The following LCORL variants were observed in gnomAD, a reference collection of about 807,000 sequenced individuals.
LCORL encodes ligand dependent nuclear receptor corepressor like, also known as ligand-dependent nuclear receptor corepressor-like protein.
In LCORL, 41 loss-of-function variants were observed where a neutral mutation model predicts 141.8. That is an observed-to-expected ratio of 0.29 (90% CI 0.23 to 0.38). The LOEUF (loss-of-function observed/expected upper bound fraction) is 0.38, where lower values mean the gene tolerates loss of function less well. LCORL is among the 10% of genes least tolerant of loss of function. The probability of loss-of-function intolerance (pLI) is 1.00; values close to 1 mark genes in which losing one functional copy is unlikely to be tolerated. For synonymous variants in LCORL, 618 were observed against 694.1 expected (o/e 0.89, Z 1.72); for missense variants, 1,759 against 2,035.0 (o/e 0.86, Z 2.61).
chr4:17,908,031 T>C (rs372442864), intron 5 of LCORL, among the ~76,000 whole-genome samples: 19 of 152,254 alleles, frequency 1.2e-4, no homozygotes, highest in Middle Eastern at 3.4e-3. Context: ...CTAACTAGTA[T>C]ATTCTTCTTT....
At chr4:17,937,053 A>G (rs1736983026) in intron 4 of LCORL, among the ~76,000 whole-genome samples, 1 of 152,200 alleles carries the variant, frequency 6.6e-6, no homozygotes, top group South Asian at 2.1e-4. Context: ...AATTTATAAA[A>G]TCACATATAT....
intron 7 of LCORL, among the ~76,000 whole-genome samples, chr4:17,857,420 A>C (rs1724492923): frequency 6.6e-6 from 1 of 152,324 alleles, no homozygotes; most frequent in African/African-American, 2.4e-5. Flanking sequence ...GGCTATATAT[A>C]GCTGGATATA....
chr4:17,959,699 T>G (rs1179805963), intron 4 of LCORL, among the ~76,000 whole-genome samples: 2 of 152,032 alleles, frequency 1.3e-5, no homozygotes, highest in Non-Finnish European at 2.9e-5. Flanking sequence ...TTTAGCAAGA[T>G]GATCAACATG....
intron 1 of LCORL, among the ~76,000 whole-genome samples, chr4:18,015,912 A>G (rs1724558689): frequency 6.6e-6 from 1 of 151,660 alleles, no homozygotes; most frequent in South Asian, 2.1e-4. Flanking sequence ...CAGTTACCAC[A>G]TAGCCAAAAG....
chr4:17,909,384 G>T, intron 4 of LCORL, 39 bp from the exon 5 acceptor site: 2 of 1,437,022 alleles, frequency 1.4e-6, no homozygotes, highest in Non-Finnish European at 9.3e-7. Context: ...TTTAAAAAGA[G>T]AAAGGCAAAT....
intron 1 of LCORL, among the ~76,000 whole-genome samples, chr4:17,998,986 ATATATATATATAT>A (rs1721420835): frequency 3.0e-4 from 15 of 49,764 alleles, no homozygotes; most frequent in African/African-American, 9.1e-4. Context: ...AAAAAAAAAA[ATATATATATATAT>A]ATATACACAC....
chr4:17,943,120 C>T (rs35587956), intron 4 of LCORL, among the ~76,000 whole-genome samples: 19,261 of 152,086 alleles, frequency 0.13, 1,357 homozygotes, highest in South Asian at 0.26. Flanking sequence ...GCTGATCCGG[C>T]GGCTCATTTT....
chr4:17,909,975 CTTTATT>C (rs1236549649), intron 4 of LCORL, among the ~76,000 whole-genome samples: 2 of 152,082 alleles, frequency 1.3e-5, no homozygotes, highest in Non-Finnish European at 2.9e-5. Flanking sequence ...TTTCTTTTTA[CTTTATT>C]TTTATTTGTA....
intron 1 of LCORL, among the ~76,000 whole-genome samples, chr4:17,988,911 G>T (rs1285066742): frequency 6.6e-6 from 1 of 152,196 alleles, no homozygotes; most frequent in Non-Finnish European, 1.5e-5. Context: ...TTGAACTTGG[G>T]AGGCAGAGAT....
At chr4:17,882,787 A>G (rs1727748601) in intron 6 of LCORL, 2 of 984,838 alleles carry the variant, frequency 2.0e-6, no homozygotes, top group Non-Finnish European at 2.4e-6. Flanking sequence ...TAAAGTAGTC[A>G]TAACATCAAC....
chr4:17,867,610 G>A (rs1311360814), intron 7 of LCORL, among the ~76,000 whole-genome samples: 3 of 152,154 alleles, frequency 2.0e-5, no homozygotes, highest in Admixed American at 6.5e-5. Context: ...TGTTGCCAAA[G>A]TAAAAACTTG....
At chr4:17,937,364 C>G (rs183878327) in intron 4 of LCORL, among the ~76,000 whole-genome samples, 4 of 152,260 alleles carry the variant, frequency 2.6e-5, no homozygotes, top group Non-Finnish European at 5.9e-5. Flanking sequence ...AAAGTGTTAT[C>G]TTCCACAACC....
At chr4:17,868,424 GACC>G (rs1411458636) in intron 7 of LCORL, among the ~76,000 whole-genome samples, 2 of 151,968 alleles carry the variant, frequency 1.3e-5, no homozygotes, top group African/African-American at 2.4e-5. Context: ...GGAGCTTCAA[GACC>G]ACATTAGGTT....
At chr4:17,931,063 T>C (rs1011459157) in intron 4 of LCORL, among the ~76,000 whole-genome samples, 3 of 152,184 alleles carry the variant, frequency 2.0e-5, no homozygotes, top group African/African-American at 7.2e-5. Flanking sequence ...ACAAACTGGA[T>C]TTTCCAAAGA....
chr4:18,017,127 T>C (rs528429514), intron 1 of LCORL, among the ~76,000 whole-genome samples: 10 of 152,170 alleles, frequency 6.6e-5, no homozygotes, highest in African/African-American at 2.4e-4. Flanking sequence ...CTGGGACAAT[T>C]TGTGAATCAA....
intron 4 of LCORL, among the ~76,000 whole-genome samples, chr4:17,923,876 A>G (rs1322667906): frequency 1.3e-5 from 2 of 151,952 alleles, no homozygotes; most frequent in African/African-American, 2.4e-5. Context: ...GTCTTTCCCG[A>G]ATTTCTTTGT....
chr4:17,842,052 CTTT>C, exon 8 of LCORL: 1 of 372,858 alleles, frequency 2.7e-6, no homozygotes, highest in Non-Finnish European at 5.0e-6. Context: ...AATTTGCCTT[CTTT>C]TAACTTGCTT....
chr4:17,967,671 T>C (rs1239278493), intron 2 of LCORL, among the ~76,000 whole-genome samples: 1 of 152,168 alleles, frequency 6.6e-6, no homozygotes, highest in Non-Finnish European at 1.5e-5. Flanking sequence ...CTACAATTTA[T>C]TTAGCCAAAT....
chr4:17,859,320 T>C (rs535529525), intron 7 of LCORL, among the ~76,000 whole-genome samples: 1 of 152,124 alleles, frequency 6.6e-6, no homozygotes, highest in Non-Finnish European at 1.5e-5. Flanking sequence ...TATTTTCAAC[T>C]TACAAGGGTT....
Sources: allele counts gnomAD v4.1 joint callset (sites outside exome capture counted in the v4.1 genomes callset), GRCh38; gene constraint gnomAD v4.1.1; transcripts MANE v1.5; gene names NCBI Gene and HGNC (gene_info 2026-07-23, HGNC 2026-07-21).